The following MGMT variants were observed in gnomAD, a reference collection of about 807,000 sequenced individuals.
MGMT encodes the protein methylated-DNA--protein-cysteine methyltransferase.
Under a neutral mutation model 15.9 loss-of-function variants are expected in MGMT, and 14 were observed. The observed-to-expected ratio is 0.88, with a 90% CI of 0.58 to 1.37. MGMT has a LOEUF of 1.37. MGMT is among the 40% of genes most tolerant of loss of function. The pLI is 0.00. For synonymous variants in MGMT, 130 were observed against 118.2 expected, an observed-to-expected ratio of 1.10 and a Z score of -0.65; for missense variants, 282 against 268.1, an observed-to-expected ratio of 1.05 and a Z score of -0.36.
intron 2 of MGMT, among the ~76,000 whole-genome samples, chr10:129,674,718 G>C (rs1277016193): frequency 6.6e-6 from 1 of 152,234 alleles, no homozygotes; most frequent in Non-Finnish European, 1.5e-5. Flanking sequence ...GAGTAGCTGG[G>C]ATGCCCCCAG....
At chr10:129,558,869 C>T (rs139876891) in intron 2 of MGMT, among the ~76,000 whole-genome samples, 189 of 152,298 alleles carry the variant, frequency 1.2e-3, no homozygotes, top group African/African-American at 4.1e-3. Context: ...TTTTCCATTT[C>T]GATCTCAGAT....
chr10:129,597,542 A>G (rs1846765582), intron 2 of MGMT, among the ~76,000 whole-genome samples: 1 of 152,186 alleles, frequency 6.6e-6, no homozygotes, highest in African/African-American at 2.4e-5. Context: ...AGAAATATGT[A>G]TGAAATTTGG....
At chr10:129,600,288 A>C (rs1846804471) in intron 2 of MGMT, among the ~76,000 whole-genome samples, 2 of 152,184 alleles carry the variant, frequency 1.3e-5, no homozygotes, top group Admixed American at 1.3e-4. Context: ...CTCTCACCTT[A>C]GTCCCTACAA....
At chr10:129,493,804 A>G (rs1845493303) in intron 1 of MGMT, among the ~76,000 whole-genome samples, 1 of 152,140 alleles carries the variant, frequency 6.6e-6, no homozygotes, top group Non-Finnish European at 1.5e-5. Context: ...CCTTTTCAGA[A>G]AGGTTTGCTG....
chr10:129,629,231 C>G (rs1403586003), intron 2 of MGMT, among the ~76,000 whole-genome samples: 1 of 152,226 alleles, frequency 6.6e-6, no homozygotes. Context: ...CTTGATGCTT[C>G]TATATGAAAC....
chr10:129,652,095 T>C lies in MGMT; in HGVS notation c.126-55800T>C, dbSNP rs78438150. On this transcript the variant is annotated intron_variant, in intron 2 of 4. Transcript: ENST00000651593. ...GGGTTTGTGGGATCGTGTGTAGGAG[T>C]AGATGTGGAGGGGCTTGTGTGAATG... Among the ~76,000 whole-genome samples the C allele has an allele frequency of 7.7e-3, 1,170 of 151,228 alleles. 38 individuals carry two copies. The East Asian group carries it at 0.091, about 12-fold the overall frequency.
intron 2 of MGMT, among the ~76,000 whole-genome samples, chr10:129,561,464 A>C (rs1268383130): frequency 6.6e-6 from 1 of 152,204 alleles, no homozygotes; most frequent in African/African-American, 2.4e-5. Flanking sequence ...GTCTGTGGCC[A>C]CACTTGCTTC....
intron 1 of MGMT, among the ~76,000 whole-genome samples, chr10:129,526,130 C>T (rs1411255358): frequency 2.6e-5 from 4 of 152,176 alleles, no homozygotes; most frequent in Admixed American, 1.3e-4. Context: ...GGGTCTCAGC[C>T]GTGGCCCTTT....
At chr10:129,721,659 C>T (rs888039970) in intron 3 of MGMT, among the ~76,000 whole-genome samples, 2 of 152,140 alleles carry the variant, frequency 1.3e-5, no homozygotes, top group Non-Finnish European at 2.9e-5. Context: ...ATACATTGTT[C>T]TAAGTTTCTT....
intron 2 of MGMT, among the ~76,000 whole-genome samples, chr10:129,626,750 G>A (rs1324645335): frequency 1.3e-5 from 2 of 152,322 alleles, no homozygotes; most frequent in East Asian, 3.9e-4. Context: ...GTGGTGAAGC[G>A]CCTTACGTAA....
At position 129,646,754 on chromosome 10, in the gene MGMT, A is replaced by ATATATATATTTTTTTTTTTTTTT; in HGVS notation, c.126-61140_126-61139insATATATATTTTTTTTTTTTTTTT. 1.6e-3 allele frequency among the ~76,000 whole-genome samples: 137 copies of ATATATATATTTTTTTTTTTTTTT among 86,468 alleles called. 1 individual carries two copies. The highest frequency in any genetic ancestry group is 6.5e-3 in the Admixed American group (54 of 8,248). The allele number at this position is 86,468 out of a possible 152,430, so 56.7% of individuals were successfully genotyped here. A position where few individuals can be genotyped will look rare whatever the true frequency, so the allele number is the denominator to read the frequency against. ...TATATATATATATATATATATATAT[A>ATATATATATTTTTTTTTTTTTTT]TTTTCAGGGAATGGTAGAGAACAGT... is the stretch of plus-strand genomic sequence containing the variant. On this transcript the variant is annotated intron_variant, in intron 2 of 4. Coordinates refer to ENST00000651593, the MANE Select transcript of MGMT (RefSeq NM_002412.5).
chr10:129,547,328 T>C (rs1462907530), intron 2 of MGMT, among the ~76,000 whole-genome samples: 2 of 152,118 alleles, frequency 1.3e-5, no homozygotes, highest in Admixed American at 1.3e-4. Flanking sequence ...CCCTAGTCCC[T>C]CTGTCCATAC....
intron 3 of MGMT, among the ~76,000 whole-genome samples, chr10:129,753,034 C>T (rs992418651): frequency 6.6e-6 from 1 of 152,148 alleles, no homozygotes; most frequent in African/African-American, 2.4e-5. Flanking sequence ...CTTAGATTTT[C>T]CTTTTTATCA....
intron 2 of MGMT, among the ~76,000 whole-genome samples, chr10:129,702,668 G>C (rs541801761): frequency 2.0e-5 from 3 of 152,324 alleles, no homozygotes; most frequent in African/African-American, 7.2e-5. Flanking sequence ...GGCTCCTGCT[G>C]GCATCATGAG....
At chr10:129,547,867 G>A (rs142619026) in intron 2 of MGMT, among the ~76,000 whole-genome samples, 15 of 152,304 alleles carry the variant, frequency 9.8e-5, no homozygotes, top group African/African-American at 3.6e-4. Context: ...TGGTCAGGTG[G>A]GGCTGGAGAA....
At chr10:129,707,461 G>A (rs1160100520) in intron 2 of MGMT, among the ~76,000 whole-genome samples, 3 of 152,124 alleles carry the variant, frequency 2.0e-5, no homozygotes, top group South Asian at 4.1e-4. Flanking sequence ...CACAGCACAC[G>A]GCCATGGAGG....
Position 129,652,209 on chromosome 10 carries a change from G to C in MGMT, c.126-55686G>C, listed in dbSNP as rs556972641. Reference sequence around the variant, plus strand: ...TGCCCTGTGCTTCCCCGCCACTCGGGGGGCCGGCCATGCGGAGAACACTCT... The same window carrying C: ...TGCCCTGTGCTTCCCCGCCACTCGGCGGGCCGGCCATGCGGAGAACACTCT... On this transcript the variant is annotated intron_variant, in intron 2 of 4. Coordinates refer to ENST00000651593, the MANE Select transcript of MGMT (RefSeq NM_002412.5). 2.6e-3 allele frequency among the ~76,000 whole-genome samples: 391 copies of C among 152,362 alleles called. 1 individual carries two copies. The highest frequency in any genetic ancestry group is 4.0e-3 in the Non-Finnish European group (269 of 68,036).
intron 2 of MGMT, among the ~76,000 whole-genome samples, chr10:129,554,580 C>T (rs1416404643): frequency 2.0e-5 from 3 of 152,084 alleles, no homozygotes; most frequent in Admixed American, 2.0e-4. Context: ...CACTATGTAG[C>T]CCTGGGTGAG....
chr10:129,733,744 TAAGG>T (rs1481004522), intron 3 of MGMT, among the ~76,000 whole-genome samples: 1 of 152,108 alleles, frequency 6.6e-6, no homozygotes, highest in African/African-American at 2.4e-5. Flanking sequence ...GTATAAGGTG[TAAGG>T]AAGGGATCCA....
Sources: allele counts gnomAD v4.1 joint callset (sites outside exome capture counted in the v4.1 genomes callset), GRCh38; gene constraint gnomAD v4.1.1; transcripts MANE v1.5; gene names NCBI Gene and HGNC (gene_info 2026-07-23, HGNC 2026-07-21).